Variants in ZNF804B observed in about 807,000 individuals in gnomAD.
ZNF804B encodes zinc finger protein 804B, also known as zinc finger 804B.
Under a neutral mutation model 101.4 loss-of-function variants are expected in ZNF804B, and 80 were observed. The ratio of observed to expected loss-of-function variants is 0.79; its 90% CI spans 0.66 to 0.95. ZNF804B has a LOEUF of 0.95. ZNF804B is among the 40% of genes least tolerant of loss of function. The probability of loss-of-function intolerance (pLI) is 0.00; values close to 1 mark genes in which losing one functional copy is unlikely to be tolerated. For missense variants in ZNF804B, 1,673 were observed against 1,561.9 expected, an observed-to-expected ratio of 1.07 and a Z score of -1.20; for synonymous variants, 622 against 558.8, an observed-to-expected ratio of 1.11 and a Z score of -1.59.
At chr7:88,883,429 G>A (rs1792072204) in intron 1 of ZNF804B, among the ~76,000 whole-genome samples, 2 of 152,076 alleles carry the variant, frequency 1.3e-5, no homozygotes, top group Admixed American at 1.3e-4. Flanking sequence ...CCATATAACT[G>A]AGCTGTAGAC....
chr7:89,200,280 A>G (rs1301456093), intron 1 of ZNF804B, among the ~76,000 whole-genome samples: 1 of 151,952 alleles, frequency 6.6e-6, no homozygotes, highest in Non-Finnish European at 1.5e-5. Flanking sequence ...TTAACTATAC[A>G]TTATTTAATA....
intron 1 of ZNF804B, among the ~76,000 whole-genome samples, chr7:88,763,824 T>C (rs1718518088): frequency 1.3e-5 from 2 of 152,160 alleles, no homozygotes; most frequent in South Asian, 4.1e-4. Flanking sequence ...AAGTTTTTTA[T>C]ATATTATGTT....
At chr7:89,204,316 A>G (rs1341512751) in intron 1 of ZNF804B, among the ~76,000 whole-genome samples, 1 of 152,184 alleles carries the variant, frequency 6.6e-6, no homozygotes, top group Non-Finnish European at 1.5e-5. Context: ...TGAATGCAAT[A>G]TGTCTATATT....
At chr7:88,983,711 G>C (rs796855014) in intron 1 of ZNF804B, among the ~76,000 whole-genome samples, 13 of 152,006 alleles carry the variant, frequency 8.6e-5, no homozygotes, top group African/African-American at 3.1e-4. Context: ...ATTAAAATTA[G>C]TTTTACTTTT....
At chr7:88,816,261 C>T (rs1020536308) in intron 1 of ZNF804B, among the ~76,000 whole-genome samples, 1 of 152,086 alleles carries the variant, frequency 6.6e-6, no homozygotes, top group Admixed American at 6.6e-5. Context: ...CTTGCTTAGA[C>T]CTAAAACCAT....
intron 2 of ZNF804B, among the ~76,000 whole-genome samples, chr7:89,307,316 C>T (rs1790580703): frequency 1.3e-5 from 2 of 151,864 alleles, no homozygotes; most frequent in African/African-American, 4.8e-5. Context: ...CCAAAATGTC[C>T]TTTTAAAATA....
chr7:88,971,735 A>G (rs920462342), intron 1 of ZNF804B, among the ~76,000 whole-genome samples: 7 of 151,630 alleles, frequency 4.6e-5, no homozygotes, highest in Admixed American at 6.6e-5. Flanking sequence ...TCACACATGA[A>G]GATACATAAT....
intron 1 of ZNF804B, among the ~76,000 whole-genome samples, chr7:89,079,661 A>C (rs1165138755): frequency 6.6e-6 from 1 of 152,050 alleles, no homozygotes; most frequent in Admixed American, 6.6e-5. Context: ...TGTAAGTCAA[A>C]AAACAAAAAC....
chr7:89,246,501 C>T (rs1028112272), intron 2 of ZNF804B, among the ~76,000 whole-genome samples: 1 of 152,118 alleles, frequency 6.6e-6, no homozygotes, highest in Non-Finnish European at 1.5e-5. Context: ...AGCAGCTACT[C>T]ATCTGGATTA....
chr7:89,034,386 G>A (rs1386962322), intron 1 of ZNF804B, among the ~76,000 whole-genome samples: 1 of 151,994 alleles, frequency 6.6e-6, no homozygotes, highest in Admixed American at 6.6e-5. Flanking sequence ...TTCTCCTAAT[G>A]CTATCCCTCC....
chr7:88,869,180 T>C (rs1002552368), intron 1 of ZNF804B, among the ~76,000 whole-genome samples: 2 of 152,200 alleles, frequency 1.3e-5, no homozygotes, highest in African/African-American at 2.4e-5. Flanking sequence ...AATATAAGGC[T>C]TACAAATATT....
chr7:89,146,447 C>G (rs1344333533), intron 1 of ZNF804B, among the ~76,000 whole-genome samples: 1 of 152,022 alleles, frequency 6.6e-6, no homozygotes, highest in East Asian at 1.9e-4. Context: ...ATATAATTGA[C>G]AAGCTGGAAG....
chr7:88,941,098 A>T (rs1793048715), intron 1 of ZNF804B, among the ~76,000 whole-genome samples: 2 of 151,966 alleles, frequency 1.3e-5, no homozygotes. Flanking sequence ...CAAAAATGTA[A>T]ATTACTGACA....
intron 1 of ZNF804B, among the ~76,000 whole-genome samples, chr7:88,839,017 T>G (rs1791258882): frequency 6.6e-6 from 1 of 152,040 alleles, no homozygotes; most frequent in African/African-American, 2.4e-5. Context: ...GTTAACTGTA[T>G]TTTCCATCTT....
At chr7:88,834,370 A>G (rs1283316245) in intron 1 of ZNF804B, among the ~76,000 whole-genome samples, 1 of 151,856 alleles carries the variant, frequency 6.6e-6, no homozygotes, top group African/African-American at 2.4e-5. Context: ...AGCTGATCAC[A>G]CATATTAATT....
intron 1 of ZNF804B, among the ~76,000 whole-genome samples, chr7:88,926,210 G>T (rs910810580): frequency 6.6e-6 from 1 of 152,034 alleles, no homozygotes; most frequent in Non-Finnish European, 1.5e-5. Flanking sequence ...TACGGAAAAA[G>T]GTAGAATTCA....
chr7:88,811,843 G>A (rs569562555), intron 1 of ZNF804B, among the ~76,000 whole-genome samples: 21 of 152,096 alleles, frequency 1.4e-4, no homozygotes, highest in Non-Finnish European at 2.9e-4. Flanking sequence ...GAGAGCATCA[G>A]AAGAAAATAG....
At chr7:88,919,294 A>G (rs1792684676) in intron 1 of ZNF804B, among the ~76,000 whole-genome samples, 1 of 152,164 alleles carries the variant, frequency 6.6e-6, no homozygotes, top group African/African-American at 2.4e-5. Context: ...GATTGAATTG[A>G]TGGGTAATAT....
chr7:89,005,399 C>A (rs922265141), intron 1 of ZNF804B, among the ~76,000 whole-genome samples: 1 of 151,884 alleles, frequency 6.6e-6, no homozygotes, highest in Non-Finnish European at 1.5e-5. Context: ...AGCAGAATCA[C>A]AAGGTCAAGG....
Sources: gnomAD v4.1 joint callset for allele counts (sites outside exome capture counted in the v4.1 genomes callset) on GRCh38, gnomAD v4.1.1 for gene constraint, MANE v1.5 for transcripts, NCBI Gene and HGNC (gene_info 2026-07-23, HGNC 2026-07-21) for gene names.